USP45: variants seen among roughly 807,000 people sequenced by gnomAD.
USP45 encodes the protein ubiquitin specific peptidase 45.
Under a neutral mutation model 95.8 loss-of-function variants are expected in USP45, and 89 were observed. That is an observed-to-expected ratio of 0.93 (90% CI 0.78 to 1.11). USP45 has a LOEUF of 1.11. Ranked by LOEUF, USP45 falls within the 50% of genes least tolerant of loss-of-function variation. The pLI is 0.00. For missense variants in USP45, 898 were observed against 942.5 expected, an observed-to-expected ratio of 0.95 and a Z score of 0.62; for synonymous variants, 281 against 316.2, an observed-to-expected ratio of 0.89 and a Z score of 1.18.
chr6:99,512,635 A>G (rs1800134180), intron 1 of USP45, among the ~76,000 whole-genome samples: 1 of 152,214 alleles, frequency 6.6e-6, no homozygotes, highest in African/African-American at 2.4e-5. Flanking sequence ...ATTCAGTACT[A>G]AATTCCAAAT....
chr6:99,454,884 C>G (rs1457366415), intron 13 of USP45, among the ~76,000 whole-genome samples: 1 of 151,672 alleles, frequency 6.6e-6, no homozygotes. Flanking sequence ...GTCAAGAGTT[C>G]AAGACCATCC....
intron 5 of USP45, among the ~76,000 whole-genome samples, chr6:99,502,771 T>C (rs1309236694): frequency 1.3e-5 from 2 of 152,200 alleles, no homozygotes; most frequent in Admixed American, 6.5e-5. Context: ...GCTGTTCTCA[T>C]GATAGTCAGT....
chr6:99,448,739 T>G (rs990669697), intron 13 of USP45, among the ~76,000 whole-genome samples: 1 of 151,922 alleles, frequency 6.6e-6, no homozygotes, highest in African/African-American at 2.4e-5. Context: ...TTCACCAAAG[T>G]TGAAATGAAG....
chr6:99,443,765 G>T, intron 14 of USP45, 103 bp from the exon 15 acceptor site: 1 of 752,968 alleles, frequency 1.3e-6, no homozygotes, highest in Non-Finnish European at 2.0e-6. Flanking sequence ...TTTTAAAAAT[G>T]TTAAAGAAAT....
At chr6:99,488,916 A>C in intron 5 of USP45, 96 bp from the exon 6 acceptor site, 2 of 951,484 alleles carry the variant, frequency 2.1e-6, no homozygotes, top group Non-Finnish European at 2.9e-6. Context: ...AATTTAAATA[A>C]GATTATCTCC....
upstream of USP45, among the ~76,000 whole-genome samples, chr6:99,516,862 T>C (rs887084235): frequency 2.6e-5 from 4 of 152,206 alleles, no homozygotes; most frequent in African/African-American, 9.7e-5. Context: ...TTAAAAAATA[T>C]ATGTGGAAAC....
At chr6:99,441,203 A>C (rs1475748905) in intron 15 of USP45, among the ~76,000 whole-genome samples, 1 of 152,136 alleles carries the variant, frequency 6.6e-6, no homozygotes, top group Admixed American at 6.6e-5. Context: ...TTCTTAGTCA[A>C]GAGTAATTAG....
chr6:99,483,368 G>T (rs901130778), intron 7 of USP45, among the ~76,000 whole-genome samples: 2 of 152,150 alleles, frequency 1.3e-5, no homozygotes, highest in African/African-American at 4.8e-5. Flanking sequence ...TTAAAGGGGA[G>T]AGACATAAAG....
At chr6:99,489,852 G>C (rs1271624198) in intron 5 of USP45, among the ~76,000 whole-genome samples, 5 of 152,144 alleles carry the variant, frequency 3.3e-5, no homozygotes, top group Non-Finnish European at 7.4e-5. Flanking sequence ...TCAGGAGGTT[G>C]AGGCATGAGA....
intron 10 of USP45, among the ~76,000 whole-genome samples, chr6:99,467,297 T>C (rs1022081130): frequency 3.3e-5 from 5 of 152,108 alleles, no homozygotes; most frequent in African/African-American, 1.2e-4. Context: ...TAACCTGAGG[T>C]TGGGAGAAAA....
chr6:99,486,653 T>C (rs1793962918), intron 7 of USP45, among the ~76,000 whole-genome samples: 1 of 151,266 alleles, frequency 6.6e-6, no homozygotes. Flanking sequence ...ATGTTATATA[T>C]ATAATAATAC....
chr6:99,507,448 A>T lies in USP45; in HGVS notation c.357T>A (p.Asn119Lys). 6.2e-7 allele frequency: 1 copy of T among 1,609,226 alleles called. No homozygotes were observed. The stretch of plus-strand genomic sequence containing the variant: ...CTTACCATATAATCCATGTGCTCAG[A>T]TTAATTATAATACAATGGGGCTCTG... ...SRTEPHCIII[N>K]LSTWIIWCYE... The change falls in exon 4 of 18, where the codon AAT becomes AAA. Residue 119 changes from asparagine to lysine, a missense_variant. Transcript: ENST00000500704.
chr6:99,475,542 C>T (rs1437752900), intron 9 of USP45, among the ~76,000 whole-genome samples: 3 of 152,004 alleles, frequency 2.0e-5, no homozygotes, highest in Non-Finnish European at 2.9e-5. Flanking sequence ...TCTTGAACTC[C>T]TGACCTCAGG....
At chr6:99,436,559 A>T (rs1455774756) in intron 17 of USP45, among the ~76,000 whole-genome samples, 1 of 152,070 alleles carries the variant, frequency 6.6e-6, no homozygotes, top group Non-Finnish European at 1.5e-5. Flanking sequence ...TCATTTCAAA[A>T]ACAAACAAAA....
chr6:99,460,614 C>G (rs760531263), intron 13 of USP45, among the ~76,000 whole-genome samples: 6 of 152,118 alleles, frequency 3.9e-5, no homozygotes, highest in Non-Finnish European at 8.8e-5. Context: ...TCGAATACAG[C>G]GTTTTCCTCA....
At chr6:99,480,362 AT>A (rs1459720551) in intron 8 of USP45, among the ~76,000 whole-genome samples, 3 of 152,268 alleles carry the variant, frequency 2.0e-5, no homozygotes, top group Non-Finnish European at 4.4e-5. Context: ...TGACAATCTG[AT>A]TCTATAATTT....
chr6:99,463,140 G>A (rs1786955840), intron 13 of USP45, among the ~76,000 whole-genome samples: 1 of 152,036 alleles, frequency 6.6e-6, no homozygotes, highest in African/African-American at 2.4e-5. Flanking sequence ...AGCCAGGTAT[G>A]TCCCTAGTGA....
At position 99,435,078 on chromosome 6, in the gene USP45, CGTATT is replaced by C. The variant is rs1780250757; in HGVS notation, c.*633_*637del. On this transcript the variant is annotated 3_prime_UTR_variant, in exon 18 of 18. Transcript: ENST00000500704. ...ATAAAATATGACCAGGGAACTACAC[CGTATT>C]AGGTGTTACTTCATGAAATTATGTG... The C allele has an allele frequency of 1.3e-5, 2 of 152,402 alleles. No individual in the cohort carries two copies. Among genetic ancestry groups the C allele is most frequent in the South Asian group, 2.1e-4 (1 of 4,832 alleles). 9.4% of individuals were successfully genotyped at this position (152,402 alleles called of 1,614,324 possible). A position where few individuals can be genotyped will look rare whatever the true frequency, so the allele number is the denominator to read the frequency against.
intron 4 of USP45, among the ~76,000 whole-genome samples, chr6:99,506,812 T>G (rs754615736): frequency 1.3e-5 from 2 of 152,212 alleles, no homozygotes; most frequent in African/African-American, 2.4e-5. Flanking sequence ...TTGAAGTATC[T>G]TCCTTCTCTA....
Sources: allele counts gnomAD v4.1 joint callset (sites outside exome capture counted in the v4.1 genomes callset), GRCh38; gene constraint gnomAD v4.1.1; transcripts MANE v1.5; gene names NCBI Gene and HGNC (gene_info 2026-07-23, HGNC 2026-07-21).